The following ZNF804B variants were observed in gnomAD, a reference collection of about 807,000 sequenced individuals.
ZNF804B encodes the protein zinc finger protein 804B.
A neutral mutation model predicts 101.4 loss-of-function variants in ZNF804B; 80 were observed. The observed-to-expected ratio is 0.79, with a 90% CI of 0.66 to 0.95. The LOEUF is 0.95. ZNF804B is among the 40% of genes least tolerant of loss of function. The probability of loss-of-function intolerance (pLI) is 0.00; values close to 1 mark genes in which losing one functional copy is unlikely to be tolerated. For missense variants in ZNF804B, 1,673 were observed against 1,561.9 expected, an observed-to-expected ratio of 1.07 and a Z score of -1.20; for synonymous variants, 622 against 558.8, an observed-to-expected ratio of 1.11 and a Z score of -1.59.
chr7:88,929,300 A>C (rs768705690), intron 1 of ZNF804B, among the ~76,000 whole-genome samples: 1 of 151,810 alleles, frequency 6.6e-6, no homozygotes, highest in Non-Finnish European at 1.5e-5. Context: ...TCCAGTCAAA[A>C]AATCTTAGTG....
intron 1 of ZNF804B, among the ~76,000 whole-genome samples, chr7:88,965,904 C>A (rs773776615): frequency 3.3e-5 from 5 of 151,434 alleles, no homozygotes; most frequent in African/African-American, 1.2e-4. Flanking sequence ...TGACAAACAA[C>A]TATGAAGTAG....
At chr7:89,224,186 CT>C (rs954196725) in intron 2 of ZNF804B, among the ~76,000 whole-genome samples, 2 of 151,928 alleles carry the variant, frequency 1.3e-5, no homozygotes, top group Non-Finnish European at 2.9e-5. Flanking sequence ...TAAAAAATAT[CT>C]TTAATAATAA....
At chr7:89,101,602 G>T (rs542632747) in intron 1 of ZNF804B, among the ~76,000 whole-genome samples, 3 of 151,770 alleles carry the variant, frequency 2.0e-5, no homozygotes, top group Non-Finnish European at 4.4e-5. Flanking sequence ...GTTTTATTAC[G>T]TAAAATCAGG....
At chr7:89,285,251 G>T (rs549914417) in intron 2 of ZNF804B, among the ~76,000 whole-genome samples, 1 of 151,572 alleles carries the variant, frequency 6.6e-6, no homozygotes, top group Non-Finnish European at 1.5e-5. Flanking sequence ...GGCTGGGCAC[G>T]GTGGCTCACG....
intron 2 of ZNF804B, among the ~76,000 whole-genome samples, chr7:89,220,160 T>TGTGTGTATATACATGTATATAC (rs1788981570): frequency 1.8e-5 from 1 of 54,692 alleles, no homozygotes; most frequent in African/African-American, 8.3e-5. Context: ...CATATATATA[T>TGTGTGTATATACATGTATATAC]ACGCACATAT....
chr7:89,231,940 A>C (rs1052637352), intron 2 of ZNF804B, among the ~76,000 whole-genome samples: 1 of 152,098 alleles, frequency 6.6e-6, no homozygotes, highest in Non-Finnish European at 1.5e-5. Flanking sequence ...TCTTTCTTGC[A>C]CAGAATTCCA....
chr7:88,962,165 G>C (rs908603961), intron 1 of ZNF804B, among the ~76,000 whole-genome samples: 1 of 151,300 alleles, frequency 6.6e-6, no homozygotes, highest in Admixed American at 6.6e-5. Flanking sequence ...GACCTAAAAT[G>C]GTTTATCTCT....
intron 1 of ZNF804B, among the ~76,000 whole-genome samples, chr7:88,806,615 G>C (rs1370859792): frequency 6.6e-6 from 1 of 151,532 alleles, no homozygotes; most frequent in Non-Finnish European, 1.5e-5. Context: ...CTCATTTGAG[G>C]GGTGTGTGTG....
At chr7:89,253,796 C>T (rs1457386020) in intron 2 of ZNF804B, among the ~76,000 whole-genome samples, 1 of 151,992 alleles carries the variant, frequency 6.6e-6, no homozygotes, top group East Asian at 1.9e-4. Flanking sequence ...GCATCTCAAT[C>T]CATCAATTTA....
At chr7:89,022,435 T>C (rs1788681583) in intron 1 of ZNF804B, among the ~76,000 whole-genome samples, 1 of 152,196 alleles carries the variant, frequency 6.6e-6, no homozygotes, top group African/African-American at 2.4e-5. Context: ...CCTGATTTTC[T>C]TTATTATCCG....
At chr7:89,235,373 G>C (rs757175282) in intron 2 of ZNF804B, among the ~76,000 whole-genome samples, 9 of 152,136 alleles carry the variant, frequency 5.9e-5, no homozygotes, top group Non-Finnish European at 1.3e-4. Context: ...CTAAATGGAA[G>C]TAAACGAAAA....
intron 1 of ZNF804B, among the ~76,000 whole-genome samples, chr7:89,051,622 C>T (rs1019600023): frequency 6.6e-6 from 1 of 152,136 alleles, no homozygotes; most frequent in Non-Finnish European, 1.5e-5. Flanking sequence ...TTTTCATATA[C>T]TAAGAGTCTA....
intron 2 of ZNF804B, among the ~76,000 whole-genome samples, chr7:89,281,372 G>T (rs551954370): frequency 2.0e-5 from 3 of 152,060 alleles, no homozygotes; most frequent in African/African-American, 7.2e-5. Context: ...AACATTTAAA[G>T]GTTACTAACT....
intron 1 of ZNF804B, among the ~76,000 whole-genome samples, chr7:89,176,794 T>C (rs1272783613): frequency 6.6e-6 from 1 of 151,948 alleles, no homozygotes; most frequent in Non-Finnish European, 1.5e-5. Context: ...GGAGACTTTT[T>C]ATTACAGCCT....
intron 2 of ZNF804B, among the ~76,000 whole-genome samples, chr7:89,263,882 C>A (rs1159814178): frequency 6.6e-6 from 1 of 152,166 alleles, no homozygotes; most frequent in African/African-American, 2.4e-5. Context: ...GGACTTCTGG[C>A]TGCCGGGCTA....
chr7:89,225,000 A>G (rs551596856), intron 2 of ZNF804B, among the ~76,000 whole-genome samples: 1 of 152,112 alleles, frequency 6.6e-6, no homozygotes, highest in East Asian at 1.9e-4. Context: ...GTTTCCTTCT[A>G]CCTTATGACA....
At chr7:89,309,552 G>A (rs764777108) in intron 2 of ZNF804B, among the ~76,000 whole-genome samples, 1 of 151,822 alleles carries the variant, frequency 6.6e-6, no homozygotes, top group Non-Finnish European at 1.5e-5. Context: ...ACAATGTCAG[G>A]AGTTGGAGAC....
At chr7:89,069,299 C>T (rs775185693) in intron 1 of ZNF804B, among the ~76,000 whole-genome samples, 5 of 152,030 alleles carry the variant, frequency 3.3e-5, no homozygotes, top group East Asian at 1.9e-4. Context: ...AGGGCAAGGC[C>T]GTCCCCACAG....
chr7:89,335,983 A>T lies in ZNF804B; in HGVS notation c.3001A>T (p.Thr1001Ser). The change falls in exon 4 of 4, where the codon ACG becomes TCG. Residue 1001 changes from threonine (T) to serine (S), a missense_variant. Thr to Ser is a moderately conservative substitution (Grantham distance 58, BLOSUM62 1). Transcript: ENST00000333190. ...NDQDSAIPRT[T>S]EKDKSKSSHT... ...TCAAGACAGTGCAATTCCAAGGACT[A>T]CGGAGAAAGACAAAAGCAAAAGTTC... 1.2e-6 allele frequency: 2 copies of T among 1,614,070 alleles called. No homozygotes were observed. The highest frequency in any genetic ancestry group is 2.2e-5 in the East Asian group (1 of 44,876).
Sources: gnomAD v4.1 joint callset for allele counts (sites outside exome capture counted in the v4.1 genomes callset) on GRCh38, gnomAD v4.1.1 for gene constraint, MANE v1.5 for transcripts, NCBI Gene and HGNC (gene_info 2026-07-23, HGNC 2026-07-21) for gene names.